Variants in SREBF2 observed in about 807,000 individuals in gnomAD.
SREBF2 encodes the protein sterol regulatory element-binding protein 2.
A neutral mutation model predicts 113.1 loss-of-function variants in SREBF2; 55 were observed. The observed-to-expected ratio is 0.49, with a 90% CI of 0.39 to 0.61. SREBF2 has a LOEUF of 0.61. Ranked by LOEUF, SREBF2 falls within the 20% of genes least tolerant of loss-of-function variation. The pLI is 0.00. For missense variants in SREBF2, 1,349 were observed against 1,487.4 expected (o/e 0.91, Z 1.53); for synonymous variants, 593 against 605.7 (o/e 0.98, Z 0.31).
intron 13 of SREBF2, among the ~76,000 whole-genome samples, 170 bp downstream of exon 13, chr22:41,895,107 C>T (rs938872908): frequency 6.6e-6 from 1 of 151,238 alleles, no homozygotes; most frequent in Admixed American, 6.6e-5. Flanking sequence ...CCTATGTTAA[C>T]TCTGACCTGG....
chr22:41,850,242 G>A (rs1305954798), intron 1 of SREBF2, among the ~76,000 whole-genome samples: 1 of 152,102 alleles, frequency 6.6e-6, no homozygotes, highest in Non-Finnish European at 1.5e-5. Flanking sequence ...AAGGGCAGGA[G>A]ATCAAGACCA....
At chr22:41,864,018 G>GGGATTACA (rs2077047863) in intron 1 of SREBF2, among the ~76,000 whole-genome samples, 2 of 146,388 alleles carry the variant, frequency 1.4e-5, no homozygotes. Context: ...CCGAGTAGCT[G>GGGATTACA]GGATTACAGG....
In SREBF2 at chr22:41,884,866, G is replaced by T; in HGVS notation, c.2063G>T (p.Cys688Phe). ...GGGAAGCTTCCTGCAGGATCCGCCT[G>T]TTCCGATGTACACATGGCGTTGTGT... ...ITGKLPAGSACSDVHMALCAV... is the reference protein window; with the variant it reads ...ITGKLPAGSAFSDVHMALCAV... Residue 688 changes from cysteine to phenylalanine, a missense_variant, in exon 11 of 19, where the codon TGT becomes TTT. By Grantham distance (205) the Cys-to-Phe change is radical (BLOSUM62 -2). Transcript: ENST00000361204. 6.2e-7 allele frequency: 1 copy of T among 1,614,212 alleles called. No homozygotes were observed. Among genetic ancestry groups the T allele is most frequent in the Non-Finnish European group, 8.5e-7 (1 of 1,180,036 alleles).
intron 1 of SREBF2, among the ~76,000 whole-genome samples, chr22:41,853,862 C>T (rs895546041): frequency 6.6e-6 from 1 of 151,680 alleles, no homozygotes; most frequent in South Asian, 2.1e-4. Context: ...GGTGAAACCC[C>T]GTCTCTACTA....
chr22:41,901,059 A>G (rs763952266), intron 16 of SREBF2: 1 of 477,406 alleles, frequency 2.1e-6, no homozygotes, highest in South Asian at 1.5e-5. Context: ...AGGCCCTATC[A>G]GGTGGGGGAG....
chr22:41,902,221 A>G (rs1434801704), intron 16 of SREBF2, among the ~76,000 whole-genome samples: 2 of 152,150 alleles, frequency 1.3e-5, no homozygotes, highest in Non-Finnish European at 2.9e-5. Context: ...AGGACTCCTC[A>G]CTGCTCGGTG....
chr22:41,870,843 A>G (rs780231542), intron 3 of SREBF2, 46 bp from the exon 4 acceptor site: 7 of 1,611,762 alleles, frequency 4.3e-6, no homozygotes, highest in Admixed American at 1.7e-5. Flanking sequence ...TGCATAACAG[A>G]AGGATAATGC....
chr22:41,887,821 G>A (rs910281406), intron 11 of SREBF2, among the ~76,000 whole-genome samples: 2 of 151,862 alleles, frequency 1.3e-5, no homozygotes, highest in Non-Finnish European at 2.9e-5. Context: ...CATCCTTACC[G>A]AACACATATA....
intron 1 of SREBF2, among the ~76,000 whole-genome samples, chr22:41,842,201 C>T (rs779565205): frequency 5.3e-5 from 8 of 152,180 alleles, no homozygotes; most frequent in Non-Finnish European, 1.2e-4. Context: ...AAAAGTCTTG[C>T]TCCCGGCCCT....
In SREBF2 at chr22:41,906,328, C is replaced by T. The variant is rs374265319; in HGVS notation, c.*668C>T. ...CTGCGGATGCATGAAATAATGTTGGCATTATTTTTTAATTTTTTAAAAAAT... is the reference window on the plus strand; with the variant it reads ...CTGCGGATGCATGAAATAATGTTGGTATTATTTTTTAATTTTTTAAAAAAT... On this transcript the variant is annotated 3_prime_UTR_variant, in exon 19 of 19. Transcript: ENST00000361204. 6.0e-4 allele frequency: 120 copies of T among 201,450 alleles called. 2 individuals are homozygous for T. In the South Asian group the frequency reaches 8.6e-3, roughly 14 times the overall value. 12.5% of individuals were successfully genotyped at this position (201,450 alleles called of 1,614,324 possible).
At chr22:41,878,841 G>T (rs1406278416) in intron 9 of SREBF2, 2 of 895,796 alleles carry the variant, frequency 2.2e-6, no homozygotes, top group African/African-American at 1.7e-5. Flanking sequence ...GGATCTGTCA[G>T]CCTTGCTGGG....
At chr22:41,894,448 C>T (rs561032278) in intron 12 of SREBF2, among the ~76,000 whole-genome samples, 1 of 152,232 alleles carries the variant, frequency 6.6e-6, no homozygotes, top group Admixed American at 6.5e-5. Flanking sequence ...TTTTTCCTTG[C>T]CTGGTGGTTC....
chr22:41,866,943 T>TGGCAGCAGC lies in SREBF2; in HGVS notation c.202_210dup (p.Gly68_Ser70dup). 1.2e-6 allele frequency: 2 copies of TGGCAGCAGC among 1,613,522 alleles called. No individual in the cohort carries two copies. The highest frequency in any genetic ancestry group is 1.7e-6 in the Non-Finnish European group (2 of 1,179,658). ...GTAGTGGTAGCAGCAGCGGCAGCAG[T>TGGCAGCAGC]GGCAGCAGCAGCAGCAGCAGCAATG... On this transcript the variant is annotated inframe_insertion, in exon 2 of 19. Coordinates refer to ENST00000361204, the MANE Select transcript of SREBF2 (RefSeq NM_004599.4).
intron 8 of SREBF2, 68 bp from the exon 9 acceptor site, chr22:41,877,874 G>A (rs2077211222): frequency 3.3e-6 from 5 of 1,530,082 alleles, no homozygotes; most frequent in African/African-American, 2.7e-5. Flanking sequence ...TAGTGCTGGG[G>A]TCTGTCAGGT....
chr22:41,904,835 G>T, intron 17 of SREBF2, 28 bp from the exon 18 acceptor site: 1 of 1,541,342 alleles, frequency 6.5e-7, no homozygotes, highest in Non-Finnish European at 8.8e-7. Flanking sequence ...CCAGGGGTGT[G>T]ATGGATGTCA....
At chr22:41,903,217 C>T (rs779418419) in intron 17 of SREBF2, 62 bp downstream of exon 17, 3 of 1,526,650 alleles carry the variant, frequency 2.0e-6, no homozygotes, top group Non-Finnish European at 1.8e-6. Context: ...GAGCCCAGAA[C>T]CCAGCATGGG....
chr22:41,905,449 A>G lies in SREBF2; in HGVS notation c.3215A>G (p.Asp1072Gly), dbSNP rs2077499268. ...TTQSTKHGEV[D>G]AWPGQRERAT... ...CATCTCCTTCCCACAGGAGAGGTGG[A>G]TGCCTGGCCCGGCCAGCGAGAGCGG... Residue 1072 changes from aspartate (D) to glycine (G), a missense_variant, in exon 19 of 19, where the codon GAT becomes GGT. Around this residue, in one of 2 missense-constraint regions of SREBF2, gnomAD observed 650 missense variants for 644.1 expected, o/e 1.01. Transcript: ENST00000361204. 1 of 1,574,156 alleles carries G rather than the reference A, an allele frequency of 6.4e-7. No individual in the cohort carries two copies. The highest frequency in any genetic ancestry group is 1.2e-5 in the South Asian group (1 of 86,036).
At chr22:41,843,903 C>CT (rs749451250) in intron 1 of SREBF2, among the ~76,000 whole-genome samples, 56 of 151,098 alleles carry the variant, frequency 3.7e-4, no homozygotes, top group Non-Finnish European at 6.3e-4. Context: ...GTAGTCCCAA[C>CT]TACTTGGGAG....
At chr22:41,872,477 A>G (rs774230672) in intron 4 of SREBF2, among the ~76,000 whole-genome samples, 1 of 152,174 alleles carries the variant, frequency 6.6e-6, no homozygotes, top group South Asian at 2.1e-4. Flanking sequence ...TCATCAAGCT[A>G]TAAACTTAAG....
Sources: gnomAD v4.1 joint callset for allele counts (sites outside exome capture counted in the v4.1 genomes callset) on GRCh38, gnomAD v4.1.1 for gene constraint, gnomAD v4.1.1 regional missense constraint, MANE v1.5 for transcripts, NCBI Gene and HGNC (gene_info 2026-07-23, HGNC 2026-07-21) for gene names.